The following DGKG variants were observed in gnomAD, a reference collection of about 807,000 sequenced individuals.
DGKG encodes DAG kinase gamma.
Under a neutral mutation model 105.3 loss-of-function variants are expected in DGKG, and 78 were observed. That is an observed-to-expected ratio of 0.74 (90% CI 0.62 to 0.89). DGKG has a LOEUF of 0.89. Among genes scored for constraint, DGKG ranks in the 40% least tolerant of loss-of-function variants. DGKG has a pLI of 0.00. For synonymous variants in DGKG, 346 were observed against 367.1 expected (o/e 0.94, Z 0.66); for missense variants, 958 against 1,020.1 (o/e 0.94, Z 0.83).
At chr3:186,162,664 C>T (rs574896726) in intron 23 of DGKG, among the ~76,000 whole-genome samples, 4 of 152,204 alleles carry the variant, frequency 2.6e-5, no homozygotes, top group East Asian at 1.9e-4. Flanking sequence ...CTCAGCCTCC[C>T]GAGTAACTGG....
Position 186,152,044 on chromosome 3 carries a change from A to G in DGKG, c.2278-1856T>C, listed in dbSNP as rs368766979. Among the ~76,000 whole-genome samples the G allele has an allele frequency of 1.6e-3, 250 of 152,124 alleles. 2 individuals are homozygous for G. Among genetic ancestry groups the G allele is most frequent in the African/African-American group, 5.7e-3 (236 of 41,474 alleles). On this transcript the variant is annotated intron_variant, in intron 24 of 24. Coordinates refer to ENST00000265022, the MANE Select transcript of DGKG (RefSeq NM_001346.3). ...TGGTGAGCCAAGATTGCACCACTGCACTCCAGCCTGTGCGACAGAGAGAGA... is the reference window on the plus strand; with the variant it reads ...TGGTGAGCCAAGATTGCACCACTGCGCTCCAGCCTGTGCGACAGAGAGAGA...
intron 1 of DGKG, among the ~76,000 whole-genome samples, chr3:186,358,506 T>TTGTGTGTG (rs142522791): frequency 2.7e-5 from 4 of 149,950 alleles, no homozygotes; most frequent in Admixed American, 6.6e-5. Context: ...TTCTAACCCT[T>TTGTGTGTG]TGTGTGTGTG....
intron 1 of DGKG, among the ~76,000 whole-genome samples, chr3:186,323,680 T>C (rs1367988791): frequency 6.6e-6 from 1 of 152,060 alleles, no homozygotes; most frequent in Non-Finnish European, 1.5e-5. Context: ...CTCACGCCTG[T>C]AATCCCACCA....
chr3:186,227,214 C>T (rs562551550), intron 20 of DGKG, among the ~76,000 whole-genome samples: 1 of 152,344 alleles, frequency 6.6e-6, no homozygotes, highest in East Asian at 1.9e-4. Context: ...AATGGATTCT[C>T]ATATACTGCT....
intron 2 of DGKG, among the ~76,000 whole-genome samples, chr3:186,311,430 GGC>G (rs1724537431): frequency 6.6e-6 from 1 of 152,166 alleles, no homozygotes; most frequent in African/African-American, 2.4e-5. Flanking sequence ...TCAGCTGCTT[GGC>G]AAGGTAGGAG....
At chr3:186,199,072 C>T (rs540307359) in intron 21 of DGKG, among the ~76,000 whole-genome samples, 4 of 151,868 alleles carry the variant, frequency 2.6e-5, no homozygotes, top group African/African-American at 7.2e-5. Flanking sequence ...CTCAGCCTCC[C>T]GAGTAGCTGG....
At position 186,148,627 on chromosome 3, in the gene DGKG, T is replaced by C; in HGVS notation, c.*1463A>G. The C allele has an allele frequency of 2.0e-6, 2 of 985,384 alleles. No homozygotes were observed. Among genetic ancestry groups the C allele is most frequent in the Non-Finnish European group, 2.4e-6 (2 of 829,908 alleles). The allele number at this position is 985,384 out of a possible 1,614,324, so 61.0% of individuals were successfully genotyped here. ...TAAATATCTTTGTAACGGCACCTAC[T>C]CTCAAGCTGCATTAGCCAAGACACC... is the stretch of plus-strand genomic sequence containing the variant. On this transcript the variant is annotated 3_prime_UTR_variant, in exon 25 of 25. Transcript: ENST00000265022.
At chr3:186,211,716 A>G (rs1038296104) in intron 21 of DGKG, 79 bp downstream of exon 21, 3 of 1,073,162 alleles carry the variant, frequency 2.8e-6, no homozygotes, top group East Asian at 2.4e-5. Flanking sequence ...AGGTCCCAAG[A>G]GGATACATCC....
At chr3:186,242,691 G>C (rs1720748413) in intron 19 of DGKG, 123 bp from the exon 20 acceptor site, 1 of 764,122 alleles carries the variant, frequency 1.3e-6, no homozygotes, top group South Asian at 2.2e-5. Flanking sequence ...CTATCGCATG[G>C]TGGGGCTCCA....
intron 20 of DGKG, among the ~76,000 whole-genome samples, chr3:186,238,579 C>T (rs145365515): frequency 1.3e-5 from 2 of 152,276 alleles, no homozygotes; most frequent in East Asian, 1.9e-4. Flanking sequence ...ACTTTAGAAT[C>T]TCAGTTGAAT....
intron 2 of DGKG, among the ~76,000 whole-genome samples, chr3:186,316,078 A>G (rs6763600): frequency 0.58 from 88,105 of 152,154 alleles, 26,174 homozygotes; most frequent in Middle Eastern, 0.67. Context: ...AAGGAACACT[A>G]AGGTCCCACC....
intron 21 of DGKG, chr3:186,207,529 A>G (rs1718805151): frequency 1.0e-6 from 1 of 984,266 alleles, no homozygotes; most frequent in South Asian, 4.7e-5. Flanking sequence ...TGCCAGTTAC[A>G]TAAAAAAACA....
intron 19 of DGKG, among the ~76,000 whole-genome samples, chr3:186,244,172 G>C (rs2108554430): frequency 6.6e-6 from 1 of 152,070 alleles, no homozygotes; most frequent in South Asian, 2.1e-4. Context: ...CTGTAAATGT[G>C]AGCCACTGCA....
At chr3:186,251,711 C>A (rs756039677) in intron 19 of DGKG, 48 bp downstream of exon 19, 1 of 1,609,670 alleles carries the variant, frequency 6.2e-7, no homozygotes, top group African/African-American at 1.3e-5. Flanking sequence ...TGGAACCCTT[C>A]CTGGGCGTTT....
intron 11 of DGKG, among the ~76,000 whole-genome samples, chr3:186,269,583 T>C (rs1722219468): frequency 6.6e-6 from 1 of 152,180 alleles, no homozygotes; most frequent in African/African-American, 2.4e-5. Context: ...GACATCCTAA[T>C]GCCCAGCCGA....
At chr3:186,189,281 A>C (rs1302182535) in intron 21 of DGKG, among the ~76,000 whole-genome samples, 3 of 152,116 alleles carry the variant, frequency 2.0e-5, no homozygotes, top group African/African-American at 4.8e-5. Flanking sequence ...AATCTCCACA[A>C]CTTGCAGTCC....
chr3:186,161,792 T>C, intron 23 of DGKG, 129 bp from the exon 24 acceptor site: 1 of 1,402,934 alleles, frequency 7.1e-7, no homozygotes, highest in Non-Finnish European at 9.7e-7. Context: ...TAAGACTCTT[T>C]TGGAGAACTT....
At chr3:186,261,213 T>C (rs1292625784) in intron 15 of DGKG, among the ~76,000 whole-genome samples, 2 of 152,226 alleles carry the variant, frequency 1.3e-5, no homozygotes, top group Non-Finnish European at 2.9e-5. Flanking sequence ...AGAGCTGCTT[T>C]AACCATTCTC....
At chr3:186,356,055 C>G (rs1726942102) in intron 1 of DGKG, among the ~76,000 whole-genome samples, 2 of 152,098 alleles carry the variant, frequency 1.3e-5, no homozygotes, top group South Asian at 4.1e-4. Flanking sequence ...TATCAGAGAC[C>G]TTTGATAAGA....
Sources: gnomAD v4.1 joint callset for allele counts (sites outside exome capture counted in the v4.1 genomes callset) on GRCh38, gnomAD v4.1.1 for gene constraint, MANE v1.5 for transcripts, NCBI Gene and HGNC (gene_info 2026-07-23, HGNC 2026-07-21) for gene names.